VPS13D: variants seen among roughly 807,000 people sequenced by gnomAD.
The protein encoded by VPS13D is intermembrane lipid transfer protein VPS13D.
A neutral mutation model predicts 461.9 loss-of-function variants in VPS13D; 187 were observed. The observed-to-expected ratio is 0.40, with a 90% CI of 0.36 to 0.46. The LOEUF (loss-of-function observed/expected upper bound fraction) is 0.46, where lower values mean the gene tolerates loss of function less well. Ranked by LOEUF, VPS13D falls within the 20% of genes least tolerant of loss-of-function variation. VPS13D has a pLI of 0.60. For synonymous variants in VPS13D, 1,951 were observed against 1,986.3 expected, an observed-to-expected ratio of 0.98 and a Z score of 0.47; for missense variants, 4,711 against 5,364.9, an observed-to-expected ratio of 0.88 and a Z score of 3.81.
chr1:12,433,853 C>T (rs1395248011), intron 65 of VPS13D, among the ~76,000 whole-genome samples: 2 of 151,198 alleles, frequency 1.3e-5, no homozygotes, highest in African/African-American at 4.9e-5. Flanking sequence ...ATTAGGCAGC[C>T]CTGGCCAGGA....
Position 12,405,262 on chromosome 1 carries a change from G to A in VPS13D, c.12030+1289G>A, listed in dbSNP as rs540503877. 3.3e-5 allele frequency among the ~76,000 whole-genome samples: 5 copies of A among 152,304 alleles called. No homozygotes were observed. In the South Asian group the frequency reaches 6.2e-4, roughly 19 times the overall value. On this transcript the variant is annotated intron_variant, in intron 63 of 69. Transcript: ENST00000620676. Reference sequence around the variant, plus strand: ...ATCTTCAGATTTTTAAAGAGAAACCGGAAATCTGGATTTTTATGTGGAATC... The same window carrying A: ...ATCTTCAGATTTTTAAAGAGAAACCAGAAATCTGGATTTTTATGTGGAATC...
intron 21 of VPS13D, among the ~76,000 whole-genome samples, chr1:12,287,509 C>G (rs980698958): frequency 6.6e-6 from 1 of 152,176 alleles, no homozygotes; most frequent in African/African-American, 2.4e-5. Context: ...ATTAAATCTG[C>G]TCTCAGTCTT....
At chr1:12,410,228 G>A (rs888759049) in intron 63 of VPS13D, among the ~76,000 whole-genome samples, 13 of 152,202 alleles carry the variant, frequency 8.5e-5, no homozygotes, top group Non-Finnish European at 1.0e-4. Context: ...CTAAGAGGCT[G>A]AAGAACTTAA....
At chr1:12,342,046 G>A (rs1444863417) in intron 41 of VPS13D, among the ~76,000 whole-genome samples, 161 bp downstream of exon 41, 1 of 152,152 alleles carries the variant, frequency 6.6e-6, no homozygotes, top group Non-Finnish European at 1.5e-5. Context: ...TTCTGGTTTT[G>A]TAGAGAATCT....
At chr1:12,354,526 C>T (rs1313892087) in intron 47 of VPS13D, among the ~76,000 whole-genome samples, 3 of 151,892 alleles carry the variant, frequency 2.0e-5, no homozygotes, top group African/African-American at 7.3e-5. Flanking sequence ...AAAGTAAGAC[C>T]CTGTCTCTTA....
chr1:12,308,997 A>G (rs1642653452), intron 27 of VPS13D, among the ~76,000 whole-genome samples: 1 of 152,152 alleles, frequency 6.6e-6, no homozygotes, highest in Non-Finnish European at 1.5e-5. Context: ...TAACGTGGAA[A>G]TCAGTGCTAT....
intron 67 of VPS13D, among the ~76,000 whole-genome samples, chr1:12,484,483 C>T (rs137946314): frequency 9.3e-4 from 141 of 152,312 alleles, no homozygotes; most frequent in African/African-American, 3.3e-3. Flanking sequence ...TAAAATCACA[C>T]CATTCAGTAA....
At position 12,369,559 on chromosome 1, in the gene VPS13D, A is replaced by G. The variant is rs2101626994; in HGVS notation, c.10665A>G (p.Glu3555=). Residue 3555 remains glutamate (E), a synonymous_variant, in exon 54 of 70, where the codon GAA becomes GAG. Transcript: ENST00000620676. ...PMTSLDYAWD[E]PTLPPFITLT... is the part of the protein sequence containing the mutation. The stretch of plus-strand genomic sequence containing the variant: ...CTTCATTGGATTATGCCTGGGACGA[A>G]CCCACCTTGCCACCTTTTATCACTC... 2 of 1,614,164 alleles carry G rather than the reference A, an allele frequency of 1.2e-6. No homozygotes were observed. The highest frequency in any genetic ancestry group is 1.1e-5 in the South Asian group (1 of 91,088).
chr1:12,275,785 T>G (rs1425481776), intron 18 of VPS13D, 40 bp from the exon 19 acceptor site: 1 of 1,520,586 alleles, frequency 6.6e-7, no homozygotes, highest in African/African-American at 1.4e-5. Flanking sequence ...AGGAGGGAAA[T>G]AGCAGACATA....
chr1:12,417,749 C>T (rs901532691), intron 65 of VPS13D, among the ~76,000 whole-genome samples: 2 of 152,068 alleles, frequency 1.3e-5, no homozygotes, highest in African/African-American at 2.4e-5. Context: ...ATGGTGTTCT[C>T]GTTAATAATG....
chr1:12,296,460 G>A (rs1000505243), intron 24 of VPS13D, among the ~76,000 whole-genome samples: 3 of 152,114 alleles, frequency 2.0e-5, no homozygotes, highest in Admixed American at 6.6e-5. Context: ...TTTTATACAT[G>A]CACTTTTAGA....
At chr1:12,485,222 C>T (rs749444494) in intron 67 of VPS13D, among the ~76,000 whole-genome samples, 6 of 152,222 alleles carry the variant, frequency 3.9e-5, no homozygotes, top group Admixed American at 1.3e-4. Flanking sequence ...CGCATGGGCC[C>T]GGCTTCAGCA....
intron 21 of VPS13D, among the ~76,000 whole-genome samples, chr1:12,287,304 CTCTG>C (rs1250693936): frequency 1.3e-5 from 2 of 152,202 alleles, no homozygotes; most frequent in Non-Finnish European, 2.9e-5. Context: ...ATTGCTTTTT[CTCTG>C]TCTTCTTCTG....
rs1298344569 is a variant in VPS13D, at chr1:12,335,767, G to C, written c.8491G>C (p.Glu2831Gln). 1 of 1,614,186 alleles carries C rather than the reference G, an allele frequency of 6.2e-7. No homozygotes were observed. Among genetic ancestry groups the C allele is most frequent in the Admixed American group, 1.7e-5 (1 of 60,032 alleles). The change falls in exon 39 of 70, where the codon GAG becomes CAG. Residue 2831 changes from glutamate (E) to glutamine (Q), a missense_variant. Physicochemically the swap from Glu to Gln is conservative, Grantham distance 29. Transcript: ENST00000620676. ...TTACTGTAAAGATGACAAGGACATA[G>C]AGTCAGCTAAATCAGAAGACTGGAT... Reference protein sequence around the residue: ...ADYCKDDKDIESAKSEDWMGS... With the variant: ...ADYCKDDKDIQSAKSEDWMGS...
At chr1:12,325,078 A>C (rs1271807835) in intron 35 of VPS13D, among the ~76,000 whole-genome samples, 1 of 151,774 alleles carries the variant, frequency 6.6e-6, no homozygotes, top group Non-Finnish European at 1.5e-5. Context: ...ATTTCCTTCC[A>C]TCTTTTTTTT....
intron 2 of VPS13D, among the ~76,000 whole-genome samples, chr1:12,238,818 A>G (rs900072940): frequency 7.9e-5 from 12 of 151,652 alleles, no homozygotes; most frequent in African/African-American, 2.9e-4. Flanking sequence ...TATTTTTTGT[A>G]GATACAGGGT....
intron 8 of VPS13D, 48 bp downstream of exon 8, chr1:12,256,551 C>T (rs1188610686): frequency 6.3e-7 from 1 of 1,595,658 alleles, no homozygotes; most frequent in South Asian, 1.1e-5. Flanking sequence ...AAACTGGTGA[C>T]TGCAGTGAAA....
chr1:12,327,136 C>T (rs1043865186), intron 35 of VPS13D, among the ~76,000 whole-genome samples: 2 of 152,098 alleles, frequency 1.3e-5, no homozygotes, highest in Non-Finnish European at 2.9e-5. Flanking sequence ...CTGTCGGGCA[C>T]AAAGAGATCA....
At chr1:12,375,312 C>T (rs754117106) in intron 55 of VPS13D, among the ~76,000 whole-genome samples, 22 of 152,176 alleles carry the variant, frequency 1.4e-4, no homozygotes, top group Non-Finnish European at 2.9e-5. Flanking sequence ...TTCCCAGGCT[C>T]TCTCAGAAGA....
Sources: gnomAD v4.1 joint callset for allele counts (sites outside exome capture counted in the v4.1 genomes callset) on GRCh38, gnomAD v4.1.1 for gene constraint, MANE v1.5 for transcripts, NCBI Gene and HGNC (gene_info 2026-07-23, HGNC 2026-07-21) for gene names.